Variants in MOB3B observed in about 807,000 individuals in gnomAD.
The protein encoded by MOB3B is MOB kinase activator 3B, also known as MOB kinase activator-like 2B.
Under a neutral mutation model 18.7 loss-of-function variants are expected in MOB3B, and 7 were observed. That is an observed-to-expected ratio of 0.37 (90% CI 0.21 to 0.70). The LOEUF (loss-of-function observed/expected upper bound fraction) is 0.70, where lower values mean the gene tolerates loss of function less well. MOB3B is among the 30% of genes least tolerant of loss of function. The probability of loss-of-function intolerance (pLI) is 0.52; values close to 1 mark genes in which losing one functional copy is unlikely to be tolerated. For synonymous variants in MOB3B, 111 were observed against 99.9 expected (o/e 1.11, Z -0.66); for missense variants, 253 against 281.3 (o/e 0.90, Z 0.72).
chr9:27,357,146 G>GTA (rs201108645), intron 3 of MOB3B, among the ~76,000 whole-genome samples: 1 of 48,126 alleles, frequency 2.1e-5, no homozygotes, highest in Non-Finnish European at 4.1e-5. Context: ...ATATATATAT[G>GTA]TGTTTTTTTT....
chr9:27,431,449 T>C (rs1310573803), intron 2 of MOB3B, among the ~76,000 whole-genome samples: 3 of 152,164 alleles, frequency 2.0e-5, no homozygotes, highest in African/African-American at 7.2e-5. Flanking sequence ...GGGAGTCCAA[T>C]CCCACAAAAA....
At chr9:27,498,961 C>A (rs1819945085) in intron 1 of MOB3B, among the ~76,000 whole-genome samples, 1 of 152,276 alleles carries the variant, frequency 6.6e-6, no homozygotes, top group Admixed American at 6.5e-5. Context: ...AGAAGAGGAT[C>A]TTAACACAAG....
chr9:27,357,471 AC>A (rs1442628479), intron 3 of MOB3B, among the ~76,000 whole-genome samples: 1 of 151,208 alleles, frequency 6.6e-6, no homozygotes, highest in South Asian at 2.1e-4. Flanking sequence ...CACACTAACC[AC>A]CCCAGGCCAA....
intron 2 of MOB3B, among the ~76,000 whole-genome samples, chr9:27,439,558 A>G (rs1822563774): frequency 6.6e-6 from 1 of 152,184 alleles, no homozygotes. Flanking sequence ...TCAAGACACA[A>G]TGAGAAAGTA....
At chr9:27,471,698 G>T (rs192946621) in intron 1 of MOB3B, among the ~76,000 whole-genome samples, 2 of 152,186 alleles carry the variant, frequency 1.3e-5, no homozygotes, top group African/African-American at 4.8e-5. Flanking sequence ...AGCAGCAAGC[G>T]CAAGGTAAGT....
chr9:27,460,117 G>T (rs995303501), intron 1 of MOB3B, among the ~76,000 whole-genome samples: 1 of 152,154 alleles, frequency 6.6e-6, no homozygotes, highest in African/African-American at 2.4e-5. Context: ...TCACAATTTG[G>T]TATGTAGTTT....
chr9:27,443,443 C>T lies in MOB3B; in HGVS notation c.418+11690G>A, dbSNP rs138357432. ...TTTTAAGTTTCCAAACATACATAAA[C>T]GATTTCTTCCTTTCTTTTACTGGTC... On this transcript the variant is annotated intron_variant, in intron 2 of 3. Coordinates refer to ENST00000262244, the MANE Select transcript of MOB3B (RefSeq NM_024761.5). Among the ~76,000 whole-genome samples the T allele has an allele frequency of 1.6e-3, 240 of 152,282 alleles. 2 individuals carry two copies. The highest frequency in any genetic ancestry group is 5.4e-3 in the African/African-American group (223 of 41,560).
intron 2 of MOB3B, among the ~76,000 whole-genome samples, chr9:27,382,905 C>T (rs191175933): frequency 8.5e-5 from 13 of 152,100 alleles, no homozygotes; most frequent in Admixed American, 7.9e-4. Context: ...TAGTGCTATG[C>T]GGTCTTTATG....
At chr9:27,434,424 A>G (rs945349100) in intron 2 of MOB3B, among the ~76,000 whole-genome samples, 4 of 151,818 alleles carry the variant, frequency 2.6e-5, no homozygotes, top group Non-Finnish European at 5.9e-5. Context: ...GGTGTGCCTC[A>G]AAGCTCTGTC....
intron 3 of MOB3B, among the ~76,000 whole-genome samples, chr9:27,331,296 G>A (rs996781199): frequency 7.9e-5 from 12 of 152,038 alleles, no homozygotes; most frequent in East Asian, 3.9e-4. Flanking sequence ...CACATCCTGC[G>A]CCTGCCCCTC....
At chr9:27,456,447 A>T (rs1312972497) in intron 1 of MOB3B, among the ~76,000 whole-genome samples, 1 of 152,210 alleles carries the variant, frequency 6.6e-6, no homozygotes, top group East Asian at 1.9e-4. Flanking sequence ...AGAGGAAGAC[A>T]AGAGAAAAAG....
chr9:27,364,659 G>A (rs183044846), intron 2 of MOB3B, among the ~76,000 whole-genome samples: 1 of 152,262 alleles, frequency 6.6e-6, no homozygotes, highest in African/African-American at 2.4e-5. Context: ...TCCCCTTAAA[G>A]AATATATCCC....
At chr9:27,363,768 G>T (rs891790679) in intron 2 of MOB3B, among the ~76,000 whole-genome samples, 2 of 152,060 alleles carry the variant, frequency 1.3e-5, no homozygotes, top group Non-Finnish European at 2.9e-5. Context: ...TAAGGACAGG[G>T]TTTTACTCTG....
At chr9:27,448,804 G>C (rs1315073243) in intron 2 of MOB3B, among the ~76,000 whole-genome samples, 1 of 152,166 alleles carries the variant, frequency 6.6e-6, no homozygotes, top group Non-Finnish European at 1.5e-5. Flanking sequence ...TGAATTTCCA[G>C]AGTCTTGGAA....
chr9:27,345,249 C>G lies in MOB3B; in HGVS notation c.621+13785G>C, dbSNP rs115275891. Among the ~76,000 whole-genome samples the G allele has an allele frequency of 4.0e-3, 602 of 152,182 alleles. 9 individuals carry two copies. Among genetic ancestry groups the G allele is most frequent in the African/African-American group, 0.013 (539 of 41,502 alleles). On this transcript the variant is annotated intron_variant, in intron 3 of 3. Transcript: ENST00000262244. The stretch of plus-strand genomic sequence containing the variant: ...CTAAAAATTGCTCTCTAAATGTGGG[C>G]ACTGTGGATGTGTTGCCAGGTTGTA...
intron 2 of MOB3B, among the ~76,000 whole-genome samples, chr9:27,437,335 T>A (rs565665586): frequency 1.4e-4 from 21 of 152,040 alleles, no homozygotes; most frequent in Non-Finnish European, 2.8e-4. Flanking sequence ...AGTAAAATAG[T>A]TCTAATGTTC....
intron 3 of MOB3B, among the ~76,000 whole-genome samples, chr9:27,339,131 AG>A (rs1458561199): frequency 3.9e-5 from 6 of 152,186 alleles, no homozygotes; most frequent in Non-Finnish European, 5.9e-5. Context: ...CTTGCCCTCA[AG>A]GCCTTTTCTG....
In MOB3B at chr9:27,385,229, C is replaced by T. The variant is rs139428856; in HGVS notation, c.419-25993G>A. 2.7e-3 allele frequency among the ~76,000 whole-genome samples: 411 copies of T among 152,266 alleles called. 5 individuals carry two copies. Among genetic ancestry groups the T allele is most frequent in the African/African-American group, 8.9e-3 (368 of 41,534 alleles). On this transcript the variant is annotated intron_variant, in intron 2 of 3. Coordinates refer to ENST00000262244, the MANE Select transcript of MOB3B (RefSeq NM_024761.5). Reference sequence around the variant, plus strand: ...ATACTCCTCTGAATTCTTATATTCACGTAACTTTTTTTTATAGCAAAGTAG... The same window carrying T: ...ATACTCCTCTGAATTCTTATATTCATGTAACTTTTTTTTATAGCAAAGTAG...
chr9:27,401,447 G>C (rs916713662), intron 2 of MOB3B, among the ~76,000 whole-genome samples: 2 of 152,174 alleles, frequency 1.3e-5, no homozygotes, highest in Non-Finnish European at 2.9e-5. Context: ...CCACGGAGGT[G>C]GGACCTGTGT....
Sources: gnomAD v4.1 joint callset for allele counts (sites outside exome capture counted in the v4.1 genomes callset) on GRCh38, gnomAD v4.1.1 for gene constraint, MANE v1.5 for transcripts, NCBI Gene and HGNC (gene_info 2026-07-23, HGNC 2026-07-21) for gene names.